SLC12A7: variants seen among roughly 807,000 people sequenced by gnomAD.
The protein encoded by SLC12A7 is K-Cl cotransporter 4.
In SLC12A7, 100 loss-of-function variants were observed where a neutral mutation model predicts 120.6. That is an observed-to-expected ratio of 0.83 (90% CI 0.71 to 0.98). The LOEUF (loss-of-function observed/expected upper bound fraction) is 0.98, where lower values mean the gene tolerates loss of function less well. SLC12A7 is among the 50% of genes least tolerant of loss of function. The probability of loss-of-function intolerance (pLI) is 0.00; values close to 1 mark genes in which losing one functional copy is unlikely to be tolerated. For synonymous variants in SLC12A7, 760 were observed against 678.0 expected (o/e 1.12, Z -1.88); for missense variants, 1,373 against 1,548.1 (o/e 0.89, Z 1.90).
At chr5:1,090,917 C>G (rs1385787881) in intron 3 of SLC12A7, among the ~76,000 whole-genome samples, 1 of 152,164 alleles carries the variant, frequency 6.6e-6, no homozygotes. Flanking sequence ...TCAATGGGAG[C>G]AGGTCTGCTG....
At position 1,052,215 on chromosome 5, in the gene SLC12A7, T is replaced by C. The variant is rs2150769815; in HGVS notation, c.*145A>G. 1.4e-6 allele frequency: 1 copy of C among 707,164 alleles called. No individual in the cohort carries two copies. The highest frequency in any genetic ancestry group is 2.5e-6 in the Non-Finnish European group (1 of 399,612). 43.8% of individuals were successfully genotyped at this position (707,164 alleles called of 1,614,324 possible). A position where few individuals can be genotyped will look rare whatever the true frequency, so the allele number is the denominator to read the frequency against. On this transcript the variant is annotated 3_prime_UTR_variant, in exon 24 of 24. Transcript: ENST00000264930. ...AGCCCTAGGTGACGGGCCTAGAAAC[T>C]TCCGTAGGAAGCCCCATGGGCAGCT...
intron 5 of SLC12A7, among the ~76,000 whole-genome samples, chr5:1,087,269 G>A (rs760701557): frequency 6.6e-6 from 1 of 152,176 alleles, no homozygotes; most frequent in Non-Finnish European, 1.5e-5. Flanking sequence ...ATGAGGACCA[G>A]GTGAGATCAG....
intron 2 of SLC12A7, 115 bp from the exon 3 acceptor site, chr5:1,093,770 G>T: frequency 2.7e-6 from 4 of 1,474,482 alleles, no homozygotes; most frequent in Admixed American, 3.9e-5. Flanking sequence ...CAGCCCCTGG[G>T]TCTGAAGCAA....
At chr5:1,081,395 T>C (rs1739088739) in intron 9 of SLC12A7, among the ~76,000 whole-genome samples, 182 bp downstream of exon 9, 1 of 151,990 alleles carries the variant, frequency 6.6e-6, no homozygotes, top group African/African-American at 2.4e-5. Flanking sequence ...TGGTACTGGG[T>C]GCCTGGGGTC....
chr5:1,127,059 G>C, the SLC12A7 span, among the ~76,000 whole-genome samples: 1 of 152,130 alleles, frequency 6.6e-6, no homozygotes, highest in Non-Finnish European at 1.5e-5. Context: ...TTTGTTGCCA[G>C]GCTGAAGTGC....
intron 1 of SLC12A7, among the ~76,000 whole-genome samples, chr5:1,099,719 T>C (rs1741812792): frequency 1.3e-5 from 2 of 152,214 alleles, no homozygotes; most frequent in South Asian, 4.1e-4. Flanking sequence ...ATCACAGCCG[T>C]GGCCTGCCCA....
intron 7 of SLC12A7, 58 bp from the exon 8 acceptor site, chr5:1,084,014 C>A: frequency 6.8e-7 from 1 of 1,472,378 alleles, no homozygotes; most frequent in East Asian, 2.3e-5. Context: ...TTTTACTGCC[C>A]CACCCAGCTC....
intron 5 of SLC12A7, among the ~76,000 whole-genome samples, 174 bp from the exon 6 acceptor site, chr5:1,087,207 C>T (rs1739964690): frequency 6.6e-6 from 1 of 152,188 alleles, no homozygotes; most frequent in Non-Finnish European, 1.5e-5. Flanking sequence ...TGAACTCTCC[C>T]CTCCCGAGGC....
At chr5:1,090,501 A>G (rs1193030188) in intron 3 of SLC12A7, among the ~76,000 whole-genome samples, 1 of 152,204 alleles carries the variant, frequency 6.6e-6, no homozygotes, top group East Asian at 1.9e-4. Context: ...TTCTTGGTGC[A>G]AACGAGAGAA....
intron 4 of SLC12A7, 23 bp from the exon 5 acceptor site, chr5:1,088,383 C>T: frequency 1.3e-6 from 2 of 1,564,236 alleles, no homozygotes; most frequent in Non-Finnish European, 8.7e-7. Flanking sequence ...AGGCAGCCAT[C>T]TGAGGAGAGT....
At chr5:1,129,477 G>A in the SLC12A7 span, among the ~76,000 whole-genome samples, 17 of 152,170 alleles carry the variant, frequency 1.1e-4, no homozygotes, top group Admixed American at 6.5e-5. Context: ...AGAACCAGGC[G>A]CCCTCCCCTC....
chr5:1,082,504 TG>T (rs1739289628), intron 8 of SLC12A7, among the ~76,000 whole-genome samples: 2 of 121,638 alleles, frequency 1.6e-5, no homozygotes, highest in African/African-American at 3.2e-5. Context: ...TCTCGGGTTC[TG>T]GGGAAGTCCG....
the SLC12A7 span, among the ~76,000 whole-genome samples, chr5:1,132,747 C>T: frequency 5.1e-4 from 78 of 152,314 alleles, 3 homozygotes; most frequent in South Asian, 0.016. Context: ...AGCTTGCTTC[C>T]CTCTGGAGCC....
chr5:1,130,264 G>A, the SLC12A7 span, among the ~76,000 whole-genome samples: 1 of 152,194 alleles, frequency 6.6e-6, no homozygotes, highest in African/African-American at 2.4e-5. Flanking sequence ...CCCACCGGGC[G>A]AGGCTGGCTG....
upstream of SLC12A7, among the ~76,000 whole-genome samples, chr5:1,114,506 G>T (rs1012861699): frequency 1.2e-4 from 19 of 152,210 alleles, no homozygotes; most frequent in African/African-American, 4.3e-4. Context: ...CCGTGTCCAC[G>T]TATATCCTCC....
At chr5:1,094,091 C>T (rs1442500475) in intron 2 of SLC12A7, 63 bp downstream of exon 2, 5 of 1,406,466 alleles carry the variant, frequency 3.6e-6, no homozygotes, top group East Asian at 4.6e-5. Flanking sequence ...CCCAGGGGCT[C>T]CTTTACTTTT....
intron 6 of SLC12A7, among the ~76,000 whole-genome samples, chr5:1,085,751 A>G (rs1244124896): frequency 1.4e-5 from 2 of 138,180 alleles, no homozygotes; most frequent in African/African-American, 5.8e-5. Context: ...ATGGACAGCC[A>G]GGGGCCTGAA....
the SLC12A7 span, among the ~76,000 whole-genome samples, chr5:1,136,804 C>A: frequency 8.2e-6 from 1 of 121,778 alleles, no homozygotes; most frequent in Non-Finnish European, 1.7e-5. Flanking sequence ...CAGGCACACA[C>A]GTGCTCAGAC....
intron 17 of SLC12A7, among the ~76,000 whole-genome samples, chr5:1,066,031 A>G (rs577532173): frequency 6.6e-6 from 1 of 152,112 alleles, no homozygotes; most frequent in African/African-American, 2.4e-5. Flanking sequence ...GCACCACGGA[A>G]CGGCTTGACT....
Sources: allele counts gnomAD v4.1 joint callset (sites outside exome capture counted in the v4.1 genomes callset), GRCh38; gene constraint gnomAD v4.1.1; transcripts MANE v1.5; gene names NCBI Gene and HGNC (gene_info 2026-07-23, HGNC 2026-07-21).